The following ARHGEF6 variants were observed in gnomAD, a reference collection of about 807,000 sequenced individuals.
ARHGEF6 encodes Rac/Cdc42 guanine nucleotide exchange factor 6, also known as rho guanine nucleotide exchange factor 6.
Under a neutral mutation model 70.3 loss-of-function variants are expected in ARHGEF6, and 9 were observed. The ratio of observed to expected loss-of-function variants is 0.13; its 90% CI spans 0.08 to 0.22. The LOEUF (loss-of-function observed/expected upper bound fraction) is 0.22, where lower values mean the gene tolerates loss of function less well. Ranked by LOEUF, ARHGEF6 falls within the 10% of genes least tolerant of loss-of-function variation. The pLI, the probability that ARHGEF6 is intolerant of heterozygous loss-of-function variation, is 1.00. For synonymous variants in ARHGEF6, 201 were observed against 207.8 expected, an observed-to-expected ratio of 0.97 and a Z score of 0.28; for missense variants, 470 against 563.0, an observed-to-expected ratio of 0.83 and a Z score of 1.67.
At chrX:136,670,518 T>C (rs1362288328) in intron 20 of ARHGEF6, among the ~76,000 whole-genome samples, 1 of 111,842 alleles carries the variant, frequency 8.9e-6, no homozygotes, top group South Asian at 3.8e-4. Context: ...CCAGAACTTA[T>C]TCATCCTGCA....
At chrX:136,778,126 T>G (rs1243850784) in intron 2 of ARHGEF6, among the ~76,000 whole-genome samples, 1 of 111,414 alleles carries the variant, frequency 9.0e-6, no homozygotes, top group Non-Finnish European at 1.9e-5. Flanking sequence ...TACCTGTTCC[T>G]CCCAAACTAT....
chrX:136,700,927 A>G (rs2076564709), intron 9 of ARHGEF6, among the ~76,000 whole-genome samples: 1 of 112,624 alleles, frequency 8.9e-6, no homozygotes, highest in Non-Finnish European at 1.9e-5. Context: ...AGAGTGATAG[A>G]AACACTAAGA....
intron 17 of ARHGEF6, among the ~76,000 whole-genome samples, chrX:136,676,950 G>C (rs1435562511): frequency 8.9e-6 from 1 of 112,512 alleles, no homozygotes; most frequent in Non-Finnish European, 1.9e-5. Context: ...GACTAAGAGT[G>C]GAGTGTGCCT....
chrX:136,704,253 G>A (rs1413124595), intron 9 of ARHGEF6, among the ~76,000 whole-genome samples: 2 of 112,204 alleles, frequency 1.8e-5, no homozygotes, highest in Non-Finnish European at 3.8e-5. Context: ...AAAATGTTCT[G>A]GAGCTAGACA....
chrX:136,669,578 T>C, intron 20 of ARHGEF6, 42 bp from the exon 21 acceptor site: 1 of 1,053,893 alleles, frequency 9.5e-7, no homozygotes, highest in Non-Finnish European at 1.3e-6. Flanking sequence ...TGGCTTGCAC[T>C]GAGGTACTGT....
chrX:136,684,351 T>A (rs1008105036), intron 12 of ARHGEF6, among the ~76,000 whole-genome samples: 1 of 112,402 alleles, frequency 8.9e-6, no homozygotes, highest in Non-Finnish European at 1.9e-5. Flanking sequence ...TGCAGTAACC[T>A]TCCCTGGGGT....
rs748625368 is a variant in ARHGEF6, at chrX:136,667,779, T to C, written c.*250A>G. On this transcript the variant is annotated 3_prime_UTR_variant, in exon 22 of 22. Coordinates refer to ENST00000250617, the MANE Select transcript of ARHGEF6 (RefSeq NM_004840.3). The stretch of plus-strand genomic sequence containing the variant: ...TGAGGCCATCTCTACCACCACTTCC[T>C]GCTTTTTCACCTGTTGAAAAAAAAA... 124 of 411,256 alleles carry C rather than the reference T, an allele frequency of 3.0e-4. No individual in the cohort carries two copies. The highest frequency in any genetic ancestry group is 2.7e-3 in the Middle Eastern group (4 of 1,455). 33.9% of individuals were successfully genotyped at this position (411,256 alleles called of 1,213,427 possible). A position where few individuals can be genotyped will look rare whatever the true frequency, so the allele number is the denominator to read the frequency against.
At chrX:136,717,346 C>A (rs192652435) in intron 6 of ARHGEF6, among the ~76,000 whole-genome samples, 1 of 111,684 alleles carries the variant, frequency 9.0e-6, no homozygotes, top group South Asian at 3.7e-4. Flanking sequence ...AACCCACTAA[C>A]CTTGAGTTCT....
intron 5 of ARHGEF6, 51 bp downstream of exon 5, chrX:136,743,534 C>A: frequency 8.8e-7 from 1 of 1,132,816 alleles, no homozygotes; most frequent in Non-Finnish European, 1.2e-6. Context: ...GTAAGAATAC[C>A]AAGAAAGTAC....
chrX:136,690,541 T>C (rs2076447632), intron 10 of ARHGEF6, 69 bp downstream of exon 10: 1 of 1,170,920 alleles, frequency 8.5e-7, no homozygotes, highest in African/African-American at 1.8e-5. Context: ...TGGAGGCAAA[T>C]TGGCTGCGTC....
chrX:136,668,099 C>A lies in ARHGEF6; in HGVS notation c.2261G>T (p.Arg754Leu). 1.7e-6 allele frequency: 2 copies of A among 1,211,466 alleles called. No homozygotes were observed. The highest frequency in any genetic ancestry group is 1.1e-6 in the Non-Finnish European group (1 of 895,172). The change falls in exon 22 of 22, where the codon CGG becomes CTG. Residue 754 changes from arginine (R) to leucine (L), a missense_variant. Physicochemically the swap from Arg to Leu is moderately radical, Grantham distance 102 (BLOSUM62 -2). This residue lies in a region of ARHGEF6 where 88 missense variants were observed against 95.5 expected (regional missense o/e 0.92). Transcript: ENST00000250617. ...KSRRDLEKLV[R>L]RLLKQTDECI... ...CTCATCTGTTTGCTTCAAAAGCCTCCGCACCAGCTTTTCTAGGTCCCTTCT... is the reference window on the plus strand; with the variant it reads ...CTCATCTGTTTGCTTCAAAAGCCTCAGCACCAGCTTTTCTAGGTCCCTTCT...
At chrX:136,693,580 A>G (rs1198677182) in intron 9 of ARHGEF6, among the ~76,000 whole-genome samples, 1 of 112,311 alleles carries the variant, frequency 8.9e-6, no homozygotes, top group Non-Finnish European at 1.9e-5. Flanking sequence ...TGTATATGTG[A>G]CATGATACAA....
Position 136,665,954 on chromosome X carries a change from C to T in ARHGEF6, c.*2075G>A, listed in dbSNP as rs144936582. On this transcript the variant is annotated 3_prime_UTR_variant, in exon 22 of 22. Coordinates refer to ENST00000250617, the MANE Select transcript of ARHGEF6 (RefSeq NM_004840.3). Reference sequence around the variant, plus strand: ...TTTTCAGCAATCAACTAAAGTATTCCGTAATCACAAAAATGTTTCCTATAG... The same window carrying T: ...TTTTCAGCAATCAACTAAAGTATTCTGTAATCACAAAAATGTTTCCTATAG... 5 of 112,438 alleles carry T rather than the reference C, an allele frequency of 4.4e-5. No homozygotes were observed. Among genetic ancestry groups the T allele is most frequent in the African/African-American group, 9.7e-5 (3 of 30,936 alleles). 9.3% of individuals were successfully genotyped at this position (112,438 alleles called of 1,213,427 possible). A position where few individuals can be genotyped will look rare whatever the true frequency, so the allele number is the denominator to read the frequency against.
chrX:136,778,343 C>T (rs992386230), intron 2 of ARHGEF6, among the ~76,000 whole-genome samples: 1 of 111,263 alleles, frequency 9.0e-6, no homozygotes, highest in African/African-American at 3.3e-5. Flanking sequence ...TATTTGTCCA[C>T]GGATAATATG....
intron 5 of ARHGEF6, among the ~76,000 whole-genome samples, chrX:136,742,880 C>T (rs1011616410): frequency 9.0e-6 from 1 of 111,083 alleles, no homozygotes; most frequent in Non-Finnish European, 1.9e-5. Flanking sequence ...GAGGCTGAGG[C>T]AAGAAGATCA....
intron 2 of ARHGEF6, chrX:136,768,293 C>A (rs1287573997): frequency 5.3e-5 from 6 of 112,573 alleles, no homozygotes; most frequent in Admixed American, 4.7e-4. Context: ...CTAATTTTTA[C>A]AGAAATACGA....
chrX:136,700,901 G>A (rs773530991), intron 9 of ARHGEF6, among the ~76,000 whole-genome samples: 6 of 112,264 alleles, frequency 5.3e-5, no homozygotes, highest in African/African-American at 1.9e-4. Context: ...TGTAATAAAA[G>A]ATGGGTAATG....
Position 136,780,607 on chromosome X carries a change from A to T in ARHGEF6, c.165+111T>A. On this transcript the variant is annotated intron_variant, in intron 1 of 21. Coordinates refer to ENST00000250617, the MANE Select transcript of ARHGEF6 (RefSeq NM_004840.3). Reference sequence around the variant, plus strand: ...GAAAGAATGTCTAACTCTTAGAAAAATATTAAAGTAGGAGATTCCCATGGC... The same window carrying T: ...GAAAGAATGTCTAACTCTTAGAAAATTATTAAAGTAGGAGATTCCCATGGC... 4 of 721,063 alleles carry T rather than the reference A, an allele frequency of 5.5e-6. No individual in the cohort carries two copies. In the Admixed American group the frequency reaches 9.6e-5, roughly 17 times the overall value. The allele number at this position is 721,063 out of a possible 1,213,427, so 59.4% of individuals were successfully genotyped here.
At chrX:136,748,682 C>A (rs2077121163) in intron 2 of ARHGEF6, among the ~76,000 whole-genome samples, 1 of 111,490 alleles carries the variant, frequency 9.0e-6, no homozygotes, top group Non-Finnish European at 1.9e-5. Flanking sequence ...ATCATTTTTT[C>A]CCCAAATGTG....
Sources: gnomAD v4.1 joint callset for allele counts (sites outside exome capture counted in the v4.1 genomes callset) on GRCh38, gnomAD v4.1.1 for gene constraint, gnomAD v4.1.1 regional missense constraint, MANE v1.5 for transcripts, NCBI Gene and HGNC (gene_info 2026-07-23, HGNC 2026-07-21) for gene names.